The following SFMBT2 variants were observed in gnomAD, a reference collection of about 807,000 sequenced individuals.
SFMBT2 encodes the protein scm-like with four MBT domains protein 2.
A neutral mutation model predicts 110.1 loss-of-function variants in SFMBT2; 38 were observed. The observed-to-expected ratio is 0.35, with a 90% confidence interval of 0.27 to 0.45. The LOEUF is 0.45. SFMBT2 is among the 20% of genes least tolerant of loss of function. SFMBT2 has a pLI of 1.00. For missense variants in SFMBT2, 1,011 were observed against 1,094.9 expected (o/e 0.92, Z 1.08); for synonymous variants, 425 against 425.4 (o/e 1.00, Z 0.01).
intron 2 of SFMBT2, among the ~76,000 whole-genome samples, chr10:7,373,882 C>A (rs1351065147): frequency 2.6e-5 from 4 of 152,180 alleles, no homozygotes; most frequent in Non-Finnish European, 5.9e-5. Context: ...CCGAAGGAGG[C>A]ACAAGGTTCT....
chr10:7,267,578 G>A (rs536574357), intron 7 of SFMBT2, among the ~76,000 whole-genome samples: 2 of 152,278 alleles, frequency 1.3e-5, no homozygotes, highest in African/African-American at 4.8e-5. Context: ...TGCATTTTTA[G>A]TAGAGATGTG....
chr10:7,255,408 C>A (rs1840968420), intron 7 of SFMBT2, among the ~76,000 whole-genome samples: 1 of 152,196 alleles, frequency 6.6e-6, no homozygotes, highest in Non-Finnish European at 1.5e-5. Context: ...ATATGCCTGT[C>A]ACATTAAAGA....
At chr10:7,266,141 G>A (rs1335364930) in intron 7 of SFMBT2, among the ~76,000 whole-genome samples, 1 of 151,788 alleles carries the variant, frequency 6.6e-6, no homozygotes, top group Non-Finnish European at 1.5e-5. Flanking sequence ...CCAGGCTGGA[G>A]TGCAATAGCA....
Position 7,295,285 on chromosome 10 carries a change from T to C in SFMBT2, c.437-9331A>G, listed in dbSNP as rs1588426033. Reference sequence around the variant, plus strand: ...GCTCCAACATGTTTGTGTTCCTGTGTCTACGGTATTCGTCTGGCTGTCCAC... The same window carrying C: ...GCTCCAACATGTTTGTGTTCCTGTGCCTACGGTATTCGTCTGGCTGTCCAC... On this transcript the variant is annotated intron_variant, in intron 4 of 20. Coordinates refer to ENST00000397167, the MANE Select transcript of SFMBT2 (RefSeq NM_001387889.1). 2.0e-5 allele frequency: 3 copies of C among 152,362 alleles called. No homozygotes were observed. In the South Asian group the frequency reaches 6.2e-4, roughly 32 times the overall value. The allele number at this position is 152,362 out of a possible 1,614,324, so 9.4% of individuals were successfully genotyped here. A position where few individuals can be genotyped will look rare whatever the true frequency, so the allele number is the denominator to read the frequency against.
At chr10:7,248,234 T>C (rs1840679312) in intron 8 of SFMBT2, among the ~76,000 whole-genome samples, 3 of 152,238 alleles carry the variant, frequency 2.0e-5, no homozygotes, top group African/African-American at 4.8e-5. Flanking sequence ...TATTTACTAC[T>C]ACCCATGCAG....
chr10:7,377,204 A>C (rs1845258808), intron 2 of SFMBT2, among the ~76,000 whole-genome samples: 2 of 145,396 alleles, frequency 1.4e-5, no homozygotes, highest in African/African-American at 2.5e-5. Flanking sequence ...AAGAGAAAAC[A>C]CCCCAAGCGG....
rs1217222321 is a variant in SFMBT2 at position 7,293,160 on chromosome 10, T to C, written c.437-7206A>G. On this transcript the variant is annotated intron_variant, in intron 4 of 20. Transcript: ENST00000397167. The surrounding 1 kb of genome is among the most constrained non-coding windows in gnomAD (Gnocchi z 4.6). The stretch of plus-strand genomic sequence containing the variant: ...ACCTCCTGGGTTCAAGCGATTCTCC[T>C]ACCTCAGCCTCCCAAGCAGCTGGGA... 6.6e-6 allele frequency among the ~76,000 whole-genome samples: 1 copy of C among 152,022 alleles called. No individual in the cohort carries two copies. Among genetic ancestry groups the C allele is most frequent in the Non-Finnish European group, 1.5e-5 (1 of 67,996 alleles).
At chr10:7,215,513 GT>G in intron 11 of SFMBT2, 1 of 980,382 alleles carries the variant, frequency 1.0e-6, no homozygotes, top group African/African-American at 1.7e-5. Context: ...TGAGGCAGGG[GT>G]TGTTTTATCC....
Position 7,259,473 on chromosome 10 carries a change from G to A in SFMBT2, c.871-10824C>T, listed in dbSNP as rs187504582. Among the ~76,000 whole-genome samples, 19 of 152,306 alleles carry A rather than the reference G, an allele frequency of 1.2e-4. No individual in the cohort carries two copies. In the East Asian group the frequency reaches 3.7e-3, roughly 29 times the overall value. ...TTTGGGGGCCAGAATCTTTGTTGGG[G>A]GGCTGTTCTGCCACTGTAGGATGTT... is the stretch of plus-strand genomic sequence containing the variant. On this transcript the variant is annotated intron_variant, in intron 7 of 20. Transcript: ENST00000397167.
At position 7,406,681 on chromosome 10, in the gene SFMBT2, A is replaced by G. The variant is rs1192403542; in HGVS notation, c.-52+4180T>C. 2.0e-5 allele frequency among the ~76,000 whole-genome samples: 3 copies of G among 152,254 alleles called. No homozygotes were observed. In the East Asian group the frequency reaches 5.8e-4, roughly 29 times the overall value. ...AAAAAAAATAGTCTATAATGTCTGCAAGAACGCAGGAAGAGGAAAAACTCT... is the reference window on the plus strand; with the variant it reads ...AAAAAAAATAGTCTATAATGTCTGCGAGAACGCAGGAAGAGGAAAAACTCT... On this transcript the variant is annotated intron_variant, in intron 1 of 20. Coordinates refer to ENST00000397167, the MANE Select transcript of SFMBT2 (RefSeq NM_001387889.1).
intron 4 of SFMBT2, among the ~76,000 whole-genome samples, chr10:7,309,974 T>TG (rs1842804287): frequency 6.6e-6 from 1 of 152,126 alleles, no homozygotes; most frequent in Non-Finnish European, 1.5e-5. Context: ...CATCACTCTG[T>TG]GTTGTAGGGG....
At position 7,381,839 on chromosome 10, in the gene SFMBT2, C is replaced by G. The variant is rs1845431294; in HGVS notation, c.60G>C (p.Lys20Asn). 2 of 1,613,674 alleles carry G rather than the reference C, an allele frequency of 1.2e-6. No homozygotes were observed. ...MQDPSSSPLE[K>N]CLGSANGNGD... ...CATTTCCATTAGCTGAGCCGAGACA[C>G]TTTTCCAAGGGTGAAGATGAAGGGT... Residue 20 changes from lysine (K) to asparagine (N), a missense_variant, in exon 2 of 21, where the codon AAG becomes AAC. Around this residue, in one of 2 missense-constraint regions of SFMBT2, gnomAD observed 979 missense variants for 1,016.1 expected, o/e 0.96. Transcript: ENST00000397167.
At chr10:7,217,688 A>C (rs2131641488) in intron 11 of SFMBT2, among the ~76,000 whole-genome samples, 1 of 152,362 alleles carries the variant, frequency 6.6e-6, no homozygotes, top group East Asian at 1.9e-4. Flanking sequence ...GTTTGTGGAA[A>C]GGCAGAGCTG....
chr10:7,342,223 G>T (rs961458817), intron 4 of SFMBT2, among the ~76,000 whole-genome samples: 2 of 151,974 alleles, frequency 1.3e-5, no homozygotes, highest in Non-Finnish European at 2.9e-5. Flanking sequence ...AGCAAACAGG[G>T]ATATTACGTG....
chr10:7,381,554 G>A (rs1845422589), intron 2 of SFMBT2, among the ~76,000 whole-genome samples: 1 of 152,134 alleles, frequency 6.6e-6, no homozygotes, highest in South Asian at 2.1e-4. Context: ...TTCCTGCCCA[G>A]GCCACTGAGA....
At chr10:7,195,018 C>T (rs924593428) in intron 15 of SFMBT2, among the ~76,000 whole-genome samples, 2 of 152,224 alleles carry the variant, frequency 1.3e-5, no homozygotes, top group Non-Finnish European at 2.9e-5. Context: ...GGCTTGCAGG[C>T]AGCTTCGAAG....
intron 14 of SFMBT2, among the ~76,000 whole-genome samples, chr10:7,199,420 G>A (rs1265406297): frequency 1.3e-5 from 2 of 152,144 alleles, no homozygotes; most frequent in Non-Finnish European, 2.9e-5. Context: ...CTATTAATCT[G>A]GGATGGTAAT....
At chr10:7,298,561 C>G (rs1842471169) in intron 4 of SFMBT2, among the ~76,000 whole-genome samples, 1 of 152,134 alleles carries the variant, frequency 6.6e-6, no homozygotes, top group Non-Finnish European at 1.5e-5. Flanking sequence ...ATTATGAGCC[C>G]ATACAATGAA....
intron 4 of SFMBT2, among the ~76,000 whole-genome samples, chr10:7,330,673 G>A (rs1843537536): frequency 6.6e-6 from 1 of 151,964 alleles, no homozygotes; most frequent in Admixed American, 6.6e-5. Flanking sequence ...CTCTCTCTCT[G>A]CTCCTCTCTT....
Sources: gnomAD v4.1 joint callset for allele counts (sites outside exome capture counted in the v4.1 genomes callset) on GRCh38, gnomAD v4.1.1 for gene constraint, gnomAD v4.1.1 regional missense constraint, Gnocchi (gnomAD v3.1) non-coding constraint, MANE v1.5 for transcripts, NCBI Gene and HGNC (gene_info 2026-07-23, HGNC 2026-07-21) for gene names.